Variants in CDK17 observed in about 807,000 individuals in gnomAD.
CDK17 encodes cyclin-dependent kinase 17.
Under a neutral mutation model 77.6 loss-of-function variants are expected in CDK17, and 24 were observed. The observed-to-expected ratio is 0.31, with a 90% confidence interval of 0.22 to 0.44. The LOEUF (loss-of-function observed/expected upper bound fraction) is 0.44. Among genes scored for constraint, CDK17 ranks in the 20% least tolerant of loss-of-function variants. The pLI is 1.00. For synonymous variants in CDK17, 203 were observed against 210.4 expected (o/e 0.96, Z 0.30); for missense variants, 429 against 622.5 (o/e 0.69, Z 3.31).
intron 3 of CDK17, among the ~76,000 whole-genome samples, chr12:96,320,924 A>G (rs1256725934): frequency 4.4e-5 from 1 of 22,818 alleles, no homozygotes; most frequent in Non-Finnish European, 9.5e-5. Flanking sequence ...CAAAACACCA[A>G]AAGCAATGGC....
At chr12:96,360,221 C>T (rs10735343) in intron 1 of CDK17, among the ~76,000 whole-genome samples, 130,126 of 152,208 alleles carry the variant, frequency 0.85, 55,683 homozygotes, top group African/African-American at 0.87. Context: ...TAGGTACTAA[C>T]GAAGAAAGTA....
chr12:96,307,231 G>C (rs899708817), intron 5 of CDK17, among the ~76,000 whole-genome samples: 11 of 152,096 alleles, frequency 7.2e-5, no homozygotes, highest in Non-Finnish European at 1.3e-4. Context: ...GGAGGCGAAG[G>C]TTGCGGTGAC....
At chr12:96,333,988 A>G (rs531952092) in intron 2 of CDK17, among the ~76,000 whole-genome samples, 35 of 152,266 alleles carry the variant, frequency 2.3e-4, no homozygotes, top group African/African-American at 8.2e-4. Context: ...CTCAAAACAT[A>G]AGTATGTGCA....
intron 3 of CDK17, among the ~76,000 whole-genome samples, chr12:96,318,091 A>G (rs1952758328): frequency 6.6e-6 from 1 of 151,882 alleles, no homozygotes; most frequent in Admixed American, 6.6e-5. Flanking sequence ...TCAAAATAAA[A>G]GGATGGAGGA....
intron 2 of CDK17, among the ~76,000 whole-genome samples, chr12:96,334,469 T>C (rs142884496): frequency 1.7e-4 from 26 of 152,244 alleles, no homozygotes; most frequent in African/African-American, 5.3e-4. Context: ...TAGTGAAAAA[T>C]GGAAGGATAT....
chr12:96,350,554 T>C (rs994787313), intron 1 of CDK17, among the ~76,000 whole-genome samples: 2 of 151,994 alleles, frequency 1.3e-5, no homozygotes, highest in Admixed American at 6.6e-5. Context: ...CAGAATAGAA[T>C]TGAGAACCCA....
chr12:96,313,578 C>T (rs528833433), intron 3 of CDK17, 124 bp from the exon 4 acceptor site: 10 of 484,498 alleles, frequency 2.1e-5, no homozygotes, highest in Non-Finnish European at 3.4e-5. Context: ...CATTTACATT[C>T]TGGGTGCCAC....
intron 3 of CDK17, among the ~76,000 whole-genome samples, chr12:96,315,550 TTC>T (rs781036446): frequency 6.6e-6 from 1 of 152,228 alleles, no homozygotes; most frequent in East Asian, 1.9e-4. Context: ...CTGTATTCAT[TTC>T]TGTCACACCT....
At chr12:96,284,246 G>A (rs1330825382) in intron 13 of CDK17, among the ~76,000 whole-genome samples, 1 of 152,046 alleles carries the variant, frequency 6.6e-6, no homozygotes, top group African/African-American at 2.4e-5. Context: ...CGAGGCGGGT[G>A]GATCACGAGG....
chr12:96,347,609 AGGG>A (rs1565830151), intron 1 of CDK17, among the ~76,000 whole-genome samples: 5 of 16,078 alleles, frequency 3.1e-4, no homozygotes, highest in African/African-American at 9.5e-4. Context: ...AGGGGAAGGG[AGGG>A]GAAGGGAGGG....
chr12:96,378,689 T>C lies in CDK17; in HGVS notation c.-30+21297A>G, dbSNP rs1287191222. On this transcript the variant is annotated intron_variant, in intron 1 of 16. Coordinates refer to ENST00000261211, the MANE Select transcript of CDK17 (RefSeq NM_002595.5). Reference sequence around the variant, plus strand: ...CATGTATATTGTTATTCATTTGGCATTGTAACAGCAAAAAATAGAAAACAA... The same window carrying C: ...CATGTATATTGTTATTCATTTGGCACTGTAACAGCAAAAAATAGAAAACAA... Among the ~76,000 whole-genome samples, 3 of 152,330 alleles carry C rather than the reference T, an allele frequency of 2.0e-5. No homozygotes were observed. The East Asian group carries it at 5.8e-4, about 29-fold the overall frequency.
At chr12:96,288,976 T>C (rs113286289) in intron 11 of CDK17, among the ~76,000 whole-genome samples, 191 bp downstream of exon 11, 5 of 152,346 alleles carry the variant, frequency 3.3e-5, no homozygotes, top group African/African-American at 1.2e-4. Flanking sequence ...AGTTAACACA[T>C]AGTTCTAAAT....
chr12:96,300,541 C>A (rs913661648), intron 5 of CDK17, among the ~76,000 whole-genome samples, 181 bp from the exon 6 acceptor site: 3 of 152,116 alleles, frequency 2.0e-5, no homozygotes, highest in Non-Finnish European at 4.4e-5. Context: ...GGATTACAGG[C>A]ACGCAGCACC....
chr12:96,350,612 C>G (rs1029272126), intron 1 of CDK17, among the ~76,000 whole-genome samples: 1 of 152,078 alleles, frequency 6.6e-6, no homozygotes, highest in African/African-American at 2.4e-5. Flanking sequence ...CAGGACCATT[C>G]AATAGGGAGG....
At chr12:96,308,699 G>A (rs531194624) in intron 5 of CDK17, among the ~76,000 whole-genome samples, 1 of 149,452 alleles carries the variant, frequency 6.7e-6, no homozygotes, top group South Asian at 2.1e-4. Flanking sequence ...CTACACTCCA[G>A]CTTGGGTGAC....
intron 3 of CDK17, among the ~76,000 whole-genome samples, chr12:96,323,294 A>AC (rs1491249540): frequency 6.6e-5 from 10 of 150,530 alleles, no homozygotes; most frequent in South Asian, 6.3e-4. Context: ...ACAAAAACAA[A>AC]CAAACAAACA....
intron 8 of CDK17, 138 bp from the exon 9 acceptor site, chr12:96,297,470 A>C: frequency 1.4e-6 from 1 of 738,402 alleles, no homozygotes. Context: ...TTAATGAAAA[A>C]CTGATAACTA....
At chr12:96,324,350 G>C (rs886655891) in intron 2 of CDK17, among the ~76,000 whole-genome samples, 1 of 152,078 alleles carries the variant, frequency 6.6e-6, no homozygotes, top group East Asian at 1.9e-4. Context: ...ATAATCAAAA[G>C]TGGCTAAGAA....
At chr12:96,392,503 G>A (rs2058973225) in intron 1 of CDK17, among the ~76,000 whole-genome samples, 3 of 152,138 alleles carry the variant, frequency 2.0e-5, no homozygotes, top group African/African-American at 4.8e-5. Flanking sequence ...AAGTGACACA[G>A]GAAAAAATAA....
Sources: gnomAD v4.1 joint callset for allele counts (sites outside exome capture counted in the v4.1 genomes callset) on GRCh38, gnomAD v4.1.1 for gene constraint, MANE v1.5 for transcripts, NCBI Gene and HGNC (gene_info 2026-07-23, HGNC 2026-07-21) for gene names.